Variants in DUT observed in about 807,000 individuals in gnomAD.
DUT encodes deoxyuridine 5'-triphosphate nucleotidohydrolase, mitochondrial.
DUT carries 21 observed loss-of-function variants against 28.8 expected under a neutral mutation model. The observed-to-expected ratio is 0.73, with a 90% CI of 0.52 to 1.05. The LOEUF (loss-of-function observed/expected upper bound fraction) is 1.05. Among genes scored for constraint, DUT ranks in the 50% least tolerant of loss-of-function variants. The pLI is 0.00. For synonymous variants in DUT, 147 were observed against 143.7 expected (o/e 1.02, Z -0.17); for missense variants, 344 against 351.8 (o/e 0.98, Z 0.18).
In DUT at chr15:48,332,404, C is replaced by T. The variant is rs753473603; in HGVS notation, c.417C>T (p.Tyr139=). Residue 139 remains tyrosine (Y), a splice_region_variant and synonymous_variant, in exon 2 of 7, where the codon TAC becomes TAT. Coordinates refer to ENST00000331200, the MANE Select transcript of DUT (RefSeq NM_001025248.2). ...GSARAAGYDL[Y]SAYDYTIPPM... ...CGCGCGCCGCGGGCTACGACCTGTA[C>T]AGGTGAGCGGGGACCTGCCGGCGAG... 7.7e-6 allele frequency: 12 copies of T among 1,557,782 alleles called. No individual in the cohort carries two copies. The highest frequency in any genetic ancestry group is 5.9e-5 in the South Asian group (5 of 84,458).
chr15:48,332,003 C>T, intron 1 of DUT: 3 of 932,556 alleles, frequency 3.2e-6, no homozygotes, highest in Non-Finnish European at 3.0e-6. Flanking sequence ...GCCCCACGCG[C>T]TGAATGTGGA....
chr15:48,334,528 G>A lies in DUT; in HGVS notation c.511+20G>A. The A allele has an allele frequency of 3.9e-6, 6 of 1,545,186 alleles. No homozygotes were observed. Among genetic ancestry groups the A allele is most frequent in the Non-Finnish European group, 5.3e-6 (6 of 1,121,740 alleles). Reference sequence around the variant, plus strand: ...GAGTGGGTAAGTCATTTAAGAAACAGGTAACTATTTGTCAAGTTCTCCTTT... The same window carrying A: ...GAGTGGGTAAGTCATTTAAGAAACAAGTAACTATTTGTCAAGTTCTCCTTT... On this transcript the variant is annotated intron_variant, in intron 3 of 6. Coordinates refer to ENST00000331200, the MANE Select transcript of DUT (RefSeq NM_001025248.2).
intron 2 of DUT, chr15:48,332,650 G>C (rs1225202692): frequency 4.4e-6 from 3 of 678,118 alleles, no homozygotes; most frequent in Non-Finnish European, 8.1e-6. Flanking sequence ...CGTTTATTGT[G>C]CCCTTCCTAA....
chr15:48,339,490 A>C (rs964109862), intron 4 of DUT, among the ~76,000 whole-genome samples: 1 of 152,176 alleles, frequency 6.6e-6, no homozygotes, highest in African/African-American at 2.4e-5. Context: ...ACAACATGCT[A>C]TGTTGAGGGA....
At position 48,332,330 on chromosome 15, in the gene DUT, C is replaced by A; in HGVS notation, c.343C>A (p.Arg115Ser). 2 of 1,607,440 alleles carry A rather than the reference C, an allele frequency of 1.2e-6. No homozygotes were observed. Among genetic ancestry groups the A allele is most frequent in the Non-Finnish European group, 1.7e-6 (2 of 1,177,896 alleles). ...TGCGGAGGTGGGCGGCATGCAGCTC[C>A]GCTTTGCCCGGCTCTCCGAGCACGC... ...RPAEVGGMQL[R>S]FARLSEHATA... Residue 115 changes from arginine (R) to serine (S), a missense_variant, in exon 2 of 7, where the codon CGC becomes AGC. Transcript: ENST00000331200.
At position 48,340,665 on chromosome 15, in the gene DUT, T is replaced by C. The variant is rs577674774; in HGVS notation, c.557-624T>C. Among the ~76,000 whole-genome samples, 174 of 152,242 alleles carry C rather than the reference T, an allele frequency of 1.1e-3. 1 individual carries two copies. The highest frequency in any genetic ancestry group is 3.9e-3 in the African/African-American group (162 of 41,544). On this transcript the variant is annotated intron_variant, in intron 4 of 6. Coordinates refer to ENST00000331200, the MANE Select transcript of DUT (RefSeq NM_001025248.2). The stretch of plus-strand genomic sequence containing the variant: ...ACAAGTATTAATTACACAAAAAAAG[T>C]TGTACTCATGAAGCCTATGTGCTAC...
chr15:48,334,314 C>G, intron 2 of DUT, 103 bp from the exon 3 acceptor site: 1 of 657,726 alleles, frequency 1.5e-6, no homozygotes, highest in Non-Finnish European at 2.4e-6. Flanking sequence ...TGCATTAATT[C>G]ATTAAATACA....
At chr15:48,334,994 G>T in intron 3 of DUT, among the ~76,000 whole-genome samples, 1 of 152,166 alleles carries the variant, frequency 6.6e-6, no homozygotes, top group Middle Eastern at 3.2e-3. Flanking sequence ...AGTTCTTTTT[G>T]ACTAACTTCA....
chr15:48,333,050 T>C (rs1482988265), intron 2 of DUT, among the ~76,000 whole-genome samples: 1 of 151,966 alleles, frequency 6.6e-6, no homozygotes, highest in Non-Finnish European at 1.5e-5. Flanking sequence ...GAAGATGATA[T>C]AATTTTTTAT....
chr15:48,336,400 G>C (rs1489751257), intron 4 of DUT, among the ~76,000 whole-genome samples: 1 of 152,116 alleles, frequency 6.6e-6, no homozygotes, highest in East Asian at 1.9e-4. Flanking sequence ...CTTCATAAGA[G>C]AGCTATCTGT....
At position 48,332,426 on chromosome 15, in the gene DUT, C is replaced by T. The variant is rs925015728; in HGVS notation, c.419+20C>T. The T allele has an allele frequency of 1.6e-5, 25 of 1,521,540 alleles. No homozygotes were observed. The highest frequency in any genetic ancestry group is 2.4e-5 in the Admixed American group (1 of 41,308). The allele number at this position is 1,521,540 out of a possible 1,614,324, so 94.3% of individuals were successfully genotyped here. A position where few individuals can be genotyped will look rare whatever the true frequency, so the allele number is the denominator to read the frequency against. ...GTACAGGTGAGCGGGGACCTGCCGG[C>T]GAGGAGGCTGGGAAGGGCCGGCCGT... On this transcript the variant is annotated intron_variant, in intron 2 of 6. Coordinates refer to ENST00000331200, the MANE Select transcript of DUT (RefSeq NM_001025248.2).
rs1221528384 is a variant in DUT at position 48,342,440 on chromosome 15, C to G, written c.*362C>G. The G allele has an allele frequency of 6.5e-6, 1 of 154,948 alleles. No individual in the cohort carries two copies. Among genetic ancestry groups the G allele is most frequent in the Non-Finnish European group, 1.4e-5 (1 of 70,138 alleles). 9.6% of individuals were successfully genotyped at this position (154,948 alleles called of 1,614,324 possible). A position where few individuals can be genotyped will look rare whatever the true frequency, so the allele number is the denominator to read the frequency against. On this transcript the variant is annotated 3_prime_UTR_variant, in exon 7 of 7. Coordinates refer to ENST00000331200, the MANE Select transcript of DUT (RefSeq NM_001025248.2). The stretch of plus-strand genomic sequence containing the variant: ...AACTCATATGATCTCCCTTCAGCAA[C>G]TTATTTTGCTTTAATTGCTTTAAAT...
intron 1 of DUT, 33 bp downstream of exon 1, chr15:48,331,828 T>A (rs1047533633): frequency 8.4e-7 from 1 of 1,190,692 alleles, no homozygotes; most frequent in African/African-American, 1.8e-5. Context: ...TCCGGCCGTC[T>A]GGAAGGAATC....
At chr15:48,341,628 C>G in intron 6 of DUT, 43 bp downstream of exon 6, 1 of 1,448,296 alleles carries the variant, frequency 6.9e-7, no homozygotes, top group South Asian at 1.2e-5. Context: ...AATATAACAT[C>G]TTAAGTGAAG....
In DUT at chr15:48,331,800, G is replaced by C. The variant is rs2042414284; in HGVS notation, c.280+5G>C. The stretch of plus-strand genomic sequence containing the variant: ...GAAGCCCGGCGCCGGGGCCGGGTAG[G>C]AAAGGCGGGGGAGGGGCTCCGGCCG... On this transcript the variant is annotated splice_donor_5th_base_variant and intron_variant, in intron 1 of 6. Coordinates refer to ENST00000331200, the MANE Select transcript of DUT (RefSeq NM_001025248.2). 1 of 1,367,170 alleles carries C rather than the reference G, an allele frequency of 7.3e-7. No homozygotes were observed. Among genetic ancestry groups the C allele is most frequent in the South Asian group, 1.7e-5 (1 of 57,826 alleles). 84.7% of individuals were successfully genotyped at this position (1,367,170 alleles called of 1,614,324 possible).
intron 1 of DUT, 134 bp from the exon 2 acceptor site, chr15:48,332,134 G>C: frequency 7.1e-7 from 1 of 1,406,742 alleles, no homozygotes; most frequent in Non-Finnish European, 9.2e-7. Context: ...CCGGGGAGGG[G>C]CGGTGGGTGG....
rs1218726114 is a variant in DUT, at chr15:48,331,660, G to A, written c.145G>A (p.Ala49Thr). ...GCCAGGCCCGCCCCTCGGCCGCGCC[G>A]CGCAGCACGGGATTCCCCGGCCGCT... ...SGPGPPLGRA[A>T]QHGIPRPLSS... The change falls in exon 1 of 7, where the codon GCG becomes ACG. Residue 49 changes from alanine (A) to threonine (T), a missense_variant. Ala to Thr is a moderately conservative substitution (Grantham distance 58). Transcript: ENST00000331200. 1.3e-6 allele frequency: 2 copies of A among 1,536,748 alleles called. No individual in the cohort carries two copies. Among genetic ancestry groups the A allele is most frequent in the African/African-American group, 1.4e-5 (1 of 71,432 alleles).
Position 48,332,386 on chromosome 15 carries a change from C to G in DUT, c.399C>G (p.Ala133=). Residue 133 remains alanine (A), a synonymous_variant, in exon 2 of 7, where the codon GCC becomes GCG. Coordinates refer to ENST00000331200, the MANE Select transcript of DUT (RefSeq NM_001025248.2). ...ATAPTRGSAR[A]AGYDLYSAYD... ...CCCCCACCCGGGGCTCCGCGCGCGC[C>G]GCGGGCTACGACCTGTACAGGTGAG... The G allele has an allele frequency of 6.3e-7, 1 of 1,580,112 alleles. No homozygotes were observed. Among genetic ancestry groups the G allele is most frequent in the Non-Finnish European group, 8.6e-7 (1 of 1,166,110 alleles).
rs2042556253 is a variant in DUT, at chr15:48,342,893, C to A, written c.*815C>A. On this transcript the variant is annotated 3_prime_UTR_variant, in exon 7 of 7. Transcript: ENST00000331200. The stretch of plus-strand genomic sequence containing the variant: ...AGATAAGATAAATGAAATAATACTT[C>A]AGCCACCAGGTTTTTCTGTCTCACA... The A allele has an allele frequency of 1.3e-5, 2 of 152,214 alleles. No homozygotes were observed. The highest frequency in any genetic ancestry group is 1.3e-4 in the Admixed American group (2 of 15,276). 9.4% of individuals were successfully genotyped at this position (152,214 alleles called of 1,614,324 possible).
Sources: allele counts gnomAD v4.1 joint callset (sites outside exome capture counted in the v4.1 genomes callset), GRCh38; gene constraint gnomAD v4.1.1; transcripts MANE v1.5; gene names NCBI Gene and HGNC (gene_info 2026-07-23, HGNC 2026-07-21).